NCALD: variants seen among roughly 807,000 people sequenced by gnomAD.
The protein encoded by NCALD is neurocalcin delta.
In NCALD, 10 loss-of-function variants were observed where a neutral mutation model predicts 18.6. The observed-to-expected ratio is 0.54, with a 90% confidence interval of 0.33 to 0.91. The LOEUF (loss-of-function observed/expected upper bound fraction) is 0.91, where lower values mean the gene tolerates loss of function less well. Among genes scored for constraint, NCALD ranks in the 40% least tolerant of loss-of-function variants. The pLI is 0.03. For missense variants in NCALD, 184 were observed against 247.6 expected, an observed-to-expected ratio of 0.74 and a Z score of 1.72; for synonymous variants, 88 against 87.4, an observed-to-expected ratio of 1.01 and a Z score of -0.04.
At chr8:101,795,931 A>G (rs74912450), upstream of NCALD, among the ~76,000 whole-genome samples, 2,297 of 152,334 alleles carry the variant, frequency 0.015, 98 homozygotes, top group East Asian at 0.11. Flanking sequence ...CCTAAACGGC[A>G]TAAGACAAGA....
In NCALD at chr8:101,804,032, A is replaced by G. The variant is rs549405178; in HGVS notation, c.-20+83109T>C. On this transcript the variant is annotated intron_variant, in intron 4 of 6. Transcript: ENST00000311028. ...GCCATAGCCACCCCAACCTTCAGCAATCGCCAGCCTGATCAGTCAGCAGCC... is the reference window on the plus strand; with the variant it reads ...GCCATAGCCACCCCAACCTTCAGCAGTCGCCAGCCTGATCAGTCAGCAGCC... 1.1e-4 allele frequency among the ~76,000 whole-genome samples: 16 copies of G among 152,158 alleles called. 1 individual carries two copies. The South Asian group carries it at 2.5e-3, about 24-fold the overall frequency.
At chr8:101,830,092 G>T (rs1286765455) in intron 4 of NCALD, among the ~76,000 whole-genome samples, 1 of 151,642 alleles carries the variant, frequency 6.6e-6, no homozygotes, top group Non-Finnish European at 1.5e-5. Flanking sequence ...TCACCACAGG[G>T]GTGGGATGGG....
chr8:101,963,825 A>G (rs1164427462), intron 2 of NCALD, among the ~76,000 whole-genome samples: 1 of 152,170 alleles, frequency 6.6e-6, no homozygotes, highest in African/African-American at 2.4e-5. Flanking sequence ...ACCTGGAAAG[A>G]TATTACTAAG....
intron 4 of NCALD, among the ~76,000 whole-genome samples, chr8:101,826,291 A>G (rs1271031036): frequency 6.6e-6 from 1 of 152,244 alleles, no homozygotes; most frequent in East Asian, 1.9e-4. Flanking sequence ...GGGGCAAATT[A>G]GCAAAGAATC....
Position 101,904,089 on chromosome 8 carries a change from T to C in NCALD, c.-107+11720A>G, listed in dbSNP as rs1252909804. On this transcript the variant is annotated intron_variant, in intron 3 of 6. Transcript: ENST00000311028. ...AATAAAATGGAGGACAGTAAGCCTG[T>C]TCAGTTCTGTTTCTGTTATTTTCCC... 2.0e-5 allele frequency among the ~76,000 whole-genome samples: 3 copies of C among 152,216 alleles called. No individual in the cohort carries two copies. In the East Asian group the frequency reaches 5.8e-4, roughly 29 times the overall value.
chr8:101,699,517 C>T (rs766510165), intron 2 of NCALD, among the ~76,000 whole-genome samples: 1 of 152,122 alleles, frequency 6.6e-6, no homozygotes, highest in Non-Finnish European at 1.5e-5. Context: ...AACCCAAATT[C>T]CCATCAATGA....
intron 4 of NCALD, among the ~76,000 whole-genome samples, chr8:101,829,974 G>GTTT (rs35295834): frequency 0.021 from 2,408 of 116,012 alleles, 74 homozygotes; most frequent in African/African-American, 0.061. Flanking sequence ...AGTCACATGG[G>GTTT]TTTTTTTTTT....
intron 4 of NCALD, among the ~76,000 whole-genome samples, chr8:101,821,753 G>A (rs1490750505): frequency 6.6e-6 from 1 of 151,944 alleles, no homozygotes. Context: ...TTCAAGATTG[G>A]CACCTCTATC....
chr8:101,976,352 G>A (rs900908092), intron 2 of NCALD, among the ~76,000 whole-genome samples: 1 of 152,150 alleles, frequency 6.6e-6, no homozygotes, highest in African/African-American at 2.4e-5. Context: ...TCTCCTGAGG[G>A]ACCTGGGATT....
chr8:102,018,459 C>CA lies in NCALD; in HGVS notation c.-157+1777dup, dbSNP rs60874950. Among the ~76,000 whole-genome samples the CA allele has an allele frequency of 2.7e-3, 410 of 151,720 alleles. 1 individual carries two copies. The highest frequency in any genetic ancestry group is 9.3e-3 in the African/African-American group (385 of 41,392). On this transcript the variant is annotated intron_variant, in intron 2 of 6. Coordinates refer to the NCALD transcript ENST00000311028. ...TACTTATAACAGCATGGATGAATCTCAAAAAAAATGCGCCAAGTGAAAAAA... is the reference window on the plus strand; with the variant it reads ...TACTTATAACAGCATGGATGAATCTCAAAAAAAAATGCGCCAAGTGAAAAAA...
intron 1 of NCALD, among the ~76,000 whole-genome samples, chr8:101,788,370 C>G (rs911348051): frequency 6.6e-6 from 1 of 152,316 alleles, no homozygotes; most frequent in African/African-American, 2.4e-5. Context: ...ATGTAGGCCA[C>G]AAGCCACAGC....
chr8:101,804,387 TATAG>T (rs1244181991), intron 4 of NCALD, among the ~76,000 whole-genome samples: 1 of 137,088 alleles, frequency 7.3e-6, no homozygotes. Context: ...TGTTACTATA[TATAG>T]AAATATATAT....
At chr8:101,778,949 T>C (rs1234078640) in intron 1 of NCALD, among the ~76,000 whole-genome samples, 1 of 151,758 alleles carries the variant, frequency 6.6e-6, no homozygotes, top group Admixed American at 6.6e-5. Context: ...AACAAGAAAA[T>C]CCTAAAAGTT....
chr8:102,064,994 A>G (rs561120821), intron 1 of NCALD, among the ~76,000 whole-genome samples: 2 of 118,562 alleles, frequency 1.7e-5, no homozygotes, highest in East Asian at 5.0e-4. Context: ...AGATTTGACA[A>G]TTCTTCTCAC....
At chr8:102,075,792 T>C in intron 1 of NCALD, among the ~76,000 whole-genome samples, 1 of 151,612 alleles carries the variant, frequency 6.6e-6, no homozygotes, top group East Asian at 1.9e-4. Flanking sequence ...GTCTCTAAAA[T>C]ATACAAAAAA....
chr8:101,952,837 G>C (rs1024697948), intron 2 of NCALD, among the ~76,000 whole-genome samples: 6 of 152,232 alleles, frequency 3.9e-5, no homozygotes, highest in African/African-American at 1.4e-4. Context: ...GATGAGAGCA[G>C]AGTTCTCTGC....
chr8:101,832,408 G>T lies in NCALD; in HGVS notation c.-20+54733C>A, dbSNP rs373730580. On this transcript the variant is annotated intron_variant, in intron 4 of 6. Transcript: ENST00000311028. ...CTCCCATCAGAAATACATGGCATTT[G>T]ATTCTCCCCATCTTGGCTTCTAAAA... Among the ~76,000 whole-genome samples, 6 of 152,252 alleles carry T rather than the reference G, an allele frequency of 3.9e-5. No individual in the cohort carries two copies. In the East Asian group the frequency reaches 7.7e-4, roughly 20 times the overall value.
chr8:101,861,553 A>C (rs917782544), intron 4 of NCALD, among the ~76,000 whole-genome samples: 3 of 152,162 alleles, frequency 2.0e-5, no homozygotes, highest in African/African-American at 7.2e-5. Flanking sequence ...ATATTAAAAA[A>C]AAAACCAAAA....
chr8:101,939,761 G>C (rs1333414166), intron 2 of NCALD, among the ~76,000 whole-genome samples: 1 of 152,208 alleles, frequency 6.6e-6, no homozygotes, highest in Non-Finnish European at 1.5e-5. Context: ...TAAGAGAAAT[G>C]AGCATTGCGG....
Sources: allele counts gnomAD v4.1 joint callset (sites outside exome capture counted in the v4.1 genomes callset), GRCh38; gene constraint gnomAD v4.1.1; transcripts MANE v1.5; gene names NCBI Gene and HGNC (gene_info 2026-07-23, HGNC 2026-07-21).